Variants in GALNT11 observed in about 807,000 individuals in gnomAD.
GALNT11 encodes the protein UDP-GalNAc:polypeptide N-acetylgalactosaminyltransferase 11.
A neutral mutation model predicts 72.7 loss-of-function variants in GALNT11; 47 were observed. The observed-to-expected ratio is 0.65, with a 90% CI of 0.51 to 0.82. The LOEUF (loss-of-function observed/expected upper bound fraction) is 0.82. Among genes scored for constraint, GALNT11 ranks in the 40% least tolerant of loss-of-function variants. The pLI, the probability that GALNT11 is intolerant of heterozygous loss-of-function variation, is 0.00. For synonymous variants in GALNT11, 270 were observed against 286.6 expected (o/e 0.94, Z 0.58); for missense variants, 677 against 778.4 (o/e 0.87, Z 1.55).
At chr7:152,063,833 C>G (rs868549088) in intron 1 of GALNT11, among the ~76,000 whole-genome samples, 9 of 152,188 alleles carry the variant, frequency 5.9e-5, no homozygotes, top group South Asian at 4.2e-4. Context: ...GAGACAGTTT[C>G]TTATAATTTC....
intron 1 of GALNT11, among the ~76,000 whole-genome samples, chr7:152,044,003 G>A (rs1254795030): frequency 6.6e-6 from 1 of 152,152 alleles, no homozygotes; most frequent in Non-Finnish European, 1.5e-5. Context: ...TTGCTCTGGT[G>A]ACCCTTTGAC....
At chr7:152,074,429 A>G (rs1462980839) in intron 1 of GALNT11, 2 of 152,186 alleles carry the variant, frequency 1.3e-5, no homozygotes, top group South Asian at 2.1e-4. Flanking sequence ...ATCTTTGTCA[A>G]TAATCAGTTG....
chr7:152,072,027 A>G (rs2084680266), intron 1 of GALNT11, among the ~76,000 whole-genome samples: 1 of 151,440 alleles, frequency 6.6e-6, no homozygotes, highest in Non-Finnish European at 1.5e-5. Flanking sequence ...AAAAAAAAAA[A>G]AAAGTTTTTA....
intron 1 of GALNT11, among the ~76,000 whole-genome samples, chr7:152,056,387 C>T (rs1008038416): frequency 8.5e-5 from 13 of 152,278 alleles, no homozygotes; most frequent in Non-Finnish European, 1.8e-4. Flanking sequence ...AAAGTTCCCG[C>T]GGGTTGCCAC....
At chr7:152,055,042 G>A (rs1319151253) in intron 1 of GALNT11, among the ~76,000 whole-genome samples, 9 of 152,202 alleles carry the variant, frequency 5.9e-5, no homozygotes, top group Admixed American at 5.9e-4. Context: ...GGGAGGAGTT[G>A]CTGTTGCAAT....
intron 7 of GALNT11, among the ~76,000 whole-genome samples, chr7:152,110,974 G>A (rs35160685): frequency 0.055 from 8,220 of 150,678 alleles, 376 homozygotes; most frequent in East Asian, 0.2. Flanking sequence ...CTCCTGCCTC[G>A]GCCTCCCAGA....
intron 1 of GALNT11, among the ~76,000 whole-genome samples, chr7:152,064,799 G>A (rs951651810): frequency 6.6e-6 from 1 of 152,204 alleles, no homozygotes; most frequent in Non-Finnish European, 1.5e-5. Flanking sequence ...CTTCTGGCTT[G>A]TAGAGTTTCT....
In GALNT11 at chr7:152,103,158, G is replaced by T; in HGVS notation, c.466G>T (p.Val156Phe). The T allele has an allele frequency of 1.2e-6, 2 of 1,611,944 alleles. No individual in the cohort carries two copies. Among genetic ancestry groups the T allele is most frequent in the Non-Finnish European group, 1.7e-6 (2 of 1,178,814 alleles). Residue 156 changes from valine to phenylalanine, a missense_variant, in exon 4 of 12, where the codon GTT (valine) becomes TTT (phenylalanine). Physicochemically the swap from Val to Phe is conservative, Grantham distance 50. Transcript: ENST00000430044. ...YPPDLPAASV[V>F]ICFYNEAFSA... ...ACCTGACCTGCCAGCTGCTAGTGTT[G>T]TTATCTGTTTCTATAATGAAGCGTT...
At chr7:152,065,913 G>A (rs1406593687) in intron 1 of GALNT11, among the ~76,000 whole-genome samples, 1 of 152,218 alleles carries the variant, frequency 6.6e-6, no homozygotes. Flanking sequence ...GAGGCAGTCT[G>A]TCCATTCTCA....
At chr7:152,087,759 A>T (rs1055430947) in intron 1 of GALNT11, among the ~76,000 whole-genome samples, 4 of 152,220 alleles carry the variant, frequency 2.6e-5, no homozygotes, top group African/African-American at 9.6e-5. Flanking sequence ...TTCAGTGCAA[A>T]GGGTGGTGTT....
chr7:152,061,571 T>A (rs546725111), intron 1 of GALNT11, among the ~76,000 whole-genome samples: 415 of 152,322 alleles, frequency 2.7e-3, no homozygotes, highest in African/African-American at 9.4e-3. Flanking sequence ...CTGAATGGTA[T>A]TGCCTAGGTT....
intron 1 of GALNT11, among the ~76,000 whole-genome samples, chr7:152,053,978 G>C (rs2083524068): frequency 2.1e-5 from 3 of 142,740 alleles, no homozygotes; most frequent in Admixed American, 2.0e-4. Flanking sequence ...GCTTGTTTTT[G>C]CTAATTATAT....
chr7:152,080,884 C>T (rs767068709), intron 1 of GALNT11, among the ~76,000 whole-genome samples: 4 of 152,048 alleles, frequency 2.6e-5, no homozygotes, highest in Middle Eastern at 3.4e-3. Flanking sequence ...GCAGGAGAAT[C>T]GCTTGAACCC....
intron 1 of GALNT11, among the ~76,000 whole-genome samples, chr7:152,088,610 A>G (rs2085806500): frequency 6.6e-6 from 1 of 152,012 alleles, no homozygotes; most frequent in African/African-American, 2.4e-5. Flanking sequence ...GAGTGGTAAC[A>G]GCCTCAGAAA....
In GALNT11 at chr7:152,053,614, C is replaced by T. The variant is rs375692807; in HGVS notation, c.-39+27730C>T. On this transcript the variant is annotated intron_variant, in intron 1 of 11. Coordinates refer to ENST00000430044, the MANE Select transcript of GALNT11 (RefSeq NM_022087.4). ...TTCCACCTGATTTATTATTTCTTTA[C>T]GATTTTTTTCCTTAGAGAAAAAGAT... 2.8e-4 allele frequency among the ~76,000 whole-genome samples: 43 copies of T among 152,276 alleles called. No individual in the cohort carries two copies. In the South Asian group the frequency reaches 7.7e-3, roughly 27 times the overall value.
At chr7:152,103,433 C>A in intron 4 of GALNT11, 155 bp downstream of exon 4, 1 of 691,630 alleles carries the variant, frequency 1.4e-6, no homozygotes, top group Non-Finnish European at 2.2e-6. Flanking sequence ...CTGAAGAAAT[C>A]CATTATCTTT....
intron 1 of GALNT11, among the ~76,000 whole-genome samples, chr7:152,037,385 T>C (rs2082632390): frequency 6.6e-6 from 1 of 152,218 alleles, no homozygotes; most frequent in Non-Finnish European, 1.5e-5. Flanking sequence ...TGTATGGATT[T>C]GTTTCTGGGT....
chr7:152,082,982 T>A (rs575158273), intron 1 of GALNT11, among the ~76,000 whole-genome samples: 4 of 152,212 alleles, frequency 2.6e-5, no homozygotes, highest in Admixed American at 2.6e-4. Flanking sequence ...CCTTTATTTT[T>A]AGAATCTCTA....
chr7:152,099,917 T>C (rs183148571), intron 2 of GALNT11, among the ~76,000 whole-genome samples: 28 of 150,092 alleles, frequency 1.9e-4, no homozygotes, highest in African/African-American at 6.4e-4. Context: ...AGACTACAGG[T>C]GTGAGCCACT....
Sources: gnomAD v4.1 joint callset for allele counts (sites outside exome capture counted in the v4.1 genomes callset) on GRCh38, gnomAD v4.1.1 for gene constraint, MANE v1.5 for transcripts, NCBI Gene and HGNC (gene_info 2026-07-23, HGNC 2026-07-21) for gene names.